PSG2: variants seen among roughly 807,000 people sequenced by gnomAD.
PSG2 encodes pregnancy-specific beta-1-glycoprotein 2.
In PSG2, 49 loss-of-function variants were observed where a neutral mutation model predicts 36.2. That is an observed-to-expected ratio of 1.35 (90% CI 1.08 to 1.72). PSG2 has a LOEUF of 1.72. Ranked by LOEUF, PSG2 falls within the 40% of genes most tolerant of loss-of-function variation. The probability of loss-of-function intolerance (pLI) is 0.00; values close to 1 mark genes in which losing one functional copy is unlikely to be tolerated. For missense variants in PSG2, 605 were observed against 407.2 expected (o/e 1.49, Z -4.18); for synonymous variants, 261 against 155.6 (o/e 1.68, Z -5.04).
At chr19:43,080,147 G>T (rs1271681544) in intron 2 of PSG2, among the ~76,000 whole-genome samples, 14 of 151,824 alleles carry the variant, frequency 9.2e-5, no homozygotes, top group South Asian at 2.1e-4. Flanking sequence ...CTGTGGACAA[G>T]CTGCTACCAG....
At chr19:43,080,731 T>G in intron 2 of PSG2, 150 bp downstream of exon 2, 5 of 1,498,564 alleles carry the variant, frequency 3.3e-6, no homozygotes, top group Non-Finnish European at 4.6e-6. Context: ...GTGTCTCCTC[T>G]GTGTGTGTCC....
chr19:43,064,316 G>A lies in PSG2; in HGVS notation c.*326C>T, dbSNP rs1027377195. Reference sequence around the variant, plus strand: ...AGCAAAAGGAAATGTTTCAATTTTTGTTTACAAAAGTATACTTTACCAATT... The same window carrying A: ...AGCAAAAGGAAATGTTTCAATTTTTATTTACAAAAGTATACTTTACCAATT... On this transcript the variant is annotated 3_prime_UTR_variant, in exon 6 of 6. Transcript: ENST00000406487. 30 of 255,780 alleles carry A rather than the reference G, an allele frequency of 1.2e-4. No individual in the cohort carries two copies. Among genetic ancestry groups the A allele is most frequent in the Non-Finnish European group, 2.1e-4 (27 of 129,072 alleles). The allele number at this position is 255,780 out of a possible 1,614,324, so 15.8% of individuals were successfully genotyped here.
rs544565729 is a variant in PSG2, at chr19:43,071,470, A to C, written c.964+230T>G. ...CACATAGGGCTCAGGGCTGATAATG[A>C]CCCCTCCCTACCTTTCTCAGGCGAG... On this transcript the variant is annotated intron_variant, in intron 4 of 5. Transcript: ENST00000406487. Among the ~76,000 whole-genome samples the C allele has an allele frequency of 4.6e-5, 7 of 151,396 alleles. No homozygotes were observed. In the East Asian group the frequency reaches 5.8e-4, roughly 13 times the overall value.
chr19:43,078,376 C>G (rs1317688718), intron 2 of PSG2, among the ~76,000 whole-genome samples: 2 of 151,682 alleles, frequency 1.3e-5, no homozygotes, highest in Admixed American at 6.6e-5. Context: ...CCTGACTGCT[C>G]CAATGTCATT....
At chr19:43,078,712 T>A (rs1429711818) in intron 2 of PSG2, among the ~76,000 whole-genome samples, 1 of 151,706 alleles carries the variant, frequency 6.6e-6, no homozygotes, top group Non-Finnish European at 1.5e-5. Flanking sequence ...TGAGTAATAA[T>A]AAACCTCTGT....
At position 43,072,504 on chromosome 19, in the gene PSG2, T is replaced by C; in HGVS notation, c.710-550A>G. The stretch of plus-strand genomic sequence containing the variant: ...TTTACCCTGGGACTGACCGGGAGGC[T>C]CTGACCATTTAGCCACCAAATGTAG... On this transcript the variant is annotated intron_variant, in intron 3 of 5. Transcript: ENST00000406487. The C allele has an allele frequency of 2.5e-6, 4 of 1,611,264 alleles. 1 individual carries two copies. In the South Asian group the frequency reaches 4.4e-5, roughly 18 times the overall value.
At chr19:43,080,734 G>A (rs1254363478) in intron 2 of PSG2, 147 bp downstream of exon 2, 19 of 1,504,918 alleles carry the variant, frequency 1.3e-5, no homozygotes, top group Non-Finnish European at 1.7e-5. Context: ...TCTCCTCTGT[G>A]TGTGTCCTGC....
chr19:43,078,923 T>A (rs1451028056), intron 2 of PSG2, among the ~76,000 whole-genome samples: 1 of 151,484 alleles, frequency 6.6e-6, no homozygotes, highest in Non-Finnish European at 1.5e-5. Flanking sequence ...TTGATGGGAA[T>A]ACAGTGGAAG....
intron 5 of PSG2, among the ~76,000 whole-genome samples, 188 bp from the exon 6 acceptor site, chr19:43,064,789 A>G (rs1304558298): frequency 6.6e-6 from 1 of 151,824 alleles, no homozygotes; most frequent in Non-Finnish European, 1.5e-5. Context: ...CTATGATAAC[A>G]TATTTGATTT....
At position 43,064,562 on chromosome 19, in the gene PSG2, G is replaced by T; in HGVS notation, c.*80C>A. 1 of 677,530 alleles carries T rather than the reference G, an allele frequency of 1.5e-6. No homozygotes were observed. Among genetic ancestry groups the T allele is most frequent in the Non-Finnish European group, 2.8e-6 (1 of 362,236 alleles). 42.0% of individuals were successfully genotyped at this position (677,530 alleles called of 1,614,324 possible). A position where few individuals can be genotyped will look rare whatever the true frequency, so the allele number is the denominator to read the frequency against. On this transcript the variant is annotated 3_prime_UTR_variant, in exon 6 of 6. Coordinates refer to ENST00000406487, the MANE Select transcript of PSG2 (RefSeq NM_031246.4). ...ATGATCTTGAAGTTATCAGGAGCTT[G>T]TATTCAAGAGTCCTTGTAAGAGACC...
chr19:43,077,039 T>A (rs1201771395), intron 2 of PSG2, among the ~76,000 whole-genome samples: 3 of 151,522 alleles, frequency 2.0e-5, no homozygotes, highest in Non-Finnish European at 4.4e-5. Context: ...TTGTCAGGAG[T>A]TTAGACCTCA....
In PSG2 at chr19:43,073,547, G is replaced by GT. The variant is rs528026374; in HGVS notation, c.710-1594dup. ...GGATATGAGACAAATTTGGAGAGAA[G>GT]TTTTTCAAATATTTTCTTTCATTGA... On this transcript the variant is annotated intron_variant, in intron 3 of 5. Transcript: ENST00000406487. Among the ~76,000 whole-genome samples, 106 of 151,864 alleles carry GT rather than the reference G, an allele frequency of 7.0e-4. 4 individuals carry two copies. The highest frequency in any genetic ancestry group is 2.5e-3 in the African/African-American group (102 of 41,218).
chr19:43,066,995 C>T (rs1967749195), intron 4 of PSG2, among the ~76,000 whole-genome samples: 1 of 151,376 alleles, frequency 6.6e-6, no homozygotes, highest in African/African-American at 2.4e-5. Flanking sequence ...ACCTGATTGG[C>T]AGAAGGCCCA....
intron 3 of PSG2, among the ~76,000 whole-genome samples, chr19:43,074,980 G>T (rs1967872293): frequency 6.6e-6 from 1 of 151,606 alleles, no homozygotes; most frequent in Non-Finnish European, 1.5e-5. Context: ...AAAGTCACAG[G>T]CACTATTGTC....
intron 3 of PSG2, among the ~76,000 whole-genome samples, chr19:43,073,678 TG>T (rs1967851191): frequency 1.3e-5 from 2 of 150,974 alleles, no homozygotes; most frequent in Non-Finnish European, 2.9e-5. Context: ...GAGCTGGGAG[TG>T]GGGAGAATCA....
intron 2 of PSG2, among the ~76,000 whole-genome samples, chr19:43,076,827 T>TA (rs1276957387): frequency 2.5e-5 from 2 of 79,200 alleles, no homozygotes; most frequent in African/African-American, 1.0e-4. Context: ...GGATTTCTAA[T>TA]TTTTTTATTT....
At chr19:43,075,120 C>T (rs1028249503) in intron 3 of PSG2, among the ~76,000 whole-genome samples, 8 of 151,800 alleles carry the variant, frequency 5.3e-5, no homozygotes. Flanking sequence ...ACCTGTTTCT[C>T]CCATCACAAG....
chr19:43,081,314 G>T lies in PSG2; in HGVS notation c.65-68C>A. The T allele has an allele frequency of 3.9e-6, 6 of 1,545,548 alleles. No individual in the cohort carries two copies. The East Asian group carries it at 6.7e-5, about 17-fold the overall frequency. Reference sequence around the variant, plus strand: ...ATTGGGGTGAAAAGATGGGGCCCTGGGTCCTGAGGAGGTCTCTTCAATCCT... The same window carrying T: ...ATTGGGGTGAAAAGATGGGGCCCTGTGTCCTGAGGAGGTCTCTTCAATCCT... On this transcript the variant is annotated intron_variant, in intron 1 of 5. Transcript: ENST00000406487.
At chr19:43,068,866 A>T (rs1245753640) in intron 4 of PSG2, among the ~76,000 whole-genome samples, 1 of 151,720 alleles carries the variant, frequency 6.6e-6, no homozygotes, top group East Asian at 1.9e-4. Flanking sequence ...AGGTCTAGTC[A>T]GAAAAATTAG....
Sources: allele counts gnomAD v4.1 joint callset (sites outside exome capture counted in the v4.1 genomes callset), GRCh38; gene constraint gnomAD v4.1.1; transcripts MANE v1.5; gene names NCBI Gene and HGNC (gene_info 2026-07-23, HGNC 2026-07-21).